CFAP47: variants seen among roughly 807,000 people sequenced by gnomAD.
CFAP47 encodes cilia and flagella associated protein 47, also known as cilia- and flagella-associated protein 47.
In CFAP47, 29 loss-of-function variants were observed where a neutral mutation model predicts 148.1. The ratio of observed to expected loss-of-function variants is 0.20; its 90% CI spans 0.15 to 0.27. CFAP47 has a LOEUF of 0.27. CFAP47 is among the 10% of genes least tolerant of loss of function. The pLI is 1.00. For synonymous variants in CFAP47, 664 were observed against 577.3 expected (o/e 1.15, Z -2.15); for missense variants, 1,872 against 1,697.5 (o/e 1.10, Z -1.81).
At chrX:35,986,601 A>G (rs1359233934) in intron 15 of CFAP47, among the ~76,000 whole-genome samples, 1 of 109,926 alleles carries the variant, frequency 9.1e-6, no homozygotes, top group Non-Finnish European at 1.9e-5. Flanking sequence ...TCTGAAGCCT[A>G]CTTCTGTCAA....
chrX:36,146,053 A>G (rs1300945714), intron 36 of CFAP47, among the ~76,000 whole-genome samples: 1 of 111,468 alleles, frequency 9.0e-6, no homozygotes, highest in African/African-American at 3.3e-5. Context: ...AAAACTCCAT[A>G]GAATTCAGTA....
intron 3 of CFAP47, among the ~76,000 whole-genome samples, chrX:35,945,873 T>C (rs961098738): frequency 2.1e-5 from 2 of 94,288 alleles, no homozygotes; most frequent in South Asian, 1.1e-3. Context: ...CTCCTTCTCT[T>C]TTTTTTTTTT....
chrX:36,015,213 A>G (rs956383699), intron 22 of CFAP47, among the ~76,000 whole-genome samples: 1 of 106,884 alleles, frequency 9.4e-6, no homozygotes, highest in African/African-American at 3.4e-5. Context: ...CAAAATATAA[A>G]TTATTAAAAT....
chrX:36,239,779 G>T lies in CFAP47; in HGVS notation c.7332+2920G>T, dbSNP rs1320241500. On this transcript the variant is annotated intron_variant, in intron 48 of 63. Coordinates refer to ENST00000378653, the MANE Select transcript of CFAP47 (RefSeq NM_001304548.2). Reference sequence around the variant, plus strand: ...TCCTGGGAAACAAGCAGGCCGCACGGATGTTCAAGATTGTGTACATGCCTG... The same window carrying T: ...TCCTGGGAAACAAGCAGGCCGCACGTATGTTCAAGATTGTGTACATGCCTG... Among the ~76,000 whole-genome samples, 5 of 111,580 alleles carry T rather than the reference G, an allele frequency of 4.5e-5. No individual in the cohort carries two copies. In the East Asian group the frequency reaches 1.4e-3, roughly 31 times the overall value.
At chrX:36,049,016 G>A (rs1356233690) in intron 26 of CFAP47, among the ~76,000 whole-genome samples, 2 of 111,100 alleles carry the variant, frequency 1.8e-5, no homozygotes, top group Non-Finnish European at 3.8e-5. Context: ...GTGAGAAATA[G>A]GGTGAGAACC....
chrX:36,199,045 A>C (rs1176996571), intron 42 of CFAP47, among the ~76,000 whole-genome samples: 3 of 111,834 alleles, frequency 2.7e-5, no homozygotes, highest in Admixed American at 9.5e-5. Flanking sequence ...AATATGGTAA[A>C]GTTTTTCTTA....
intron 37 of CFAP47, among the ~76,000 whole-genome samples, chrX:36,154,286 C>T (rs1195030937): frequency 8.9e-6 from 1 of 112,179 alleles, no homozygotes; most frequent in Non-Finnish European, 1.9e-5. Context: ...TTTAGTCAGA[C>T]ATTCTATTTA....
chrX:35,981,530 A>T (rs774158163), intron 15 of CFAP47, among the ~76,000 whole-genome samples: 2 of 110,272 alleles, frequency 1.8e-5, no homozygotes, highest in South Asian at 4.0e-4. Context: ...ATACATTTTT[A>T]AAAACTTTTA....
chrX:36,261,320 C>CTTTTTTTTTTTTTTTTTTTTTTT (rs143068749), intron 49 of CFAP47, among the ~76,000 whole-genome samples: 1 of 20,450 alleles, frequency 4.9e-5, no homozygotes, highest in Non-Finnish European at 8.3e-5. Context: ...AGATACTATT[C>CTTTTTTTTTTTTTTTTTTTTTTT]TTTTTTTTTT....
At chrX:35,945,073 C>A (rs1936065489) in intron 3 of CFAP47, among the ~76,000 whole-genome samples, 1 of 111,420 alleles carries the variant, frequency 9.0e-6, no homozygotes, top group African/African-American at 3.3e-5. Context: ...GAATAGGGCC[C>A]AAATCTTAGT....
intron 45 of CFAP47, among the ~76,000 whole-genome samples, chrX:36,212,715 C>T (rs782159024): frequency 1.2e-3 from 128 of 110,964 alleles, no homozygotes; most frequent in African/African-American, 4.0e-3. Context: ...TATATAGAAA[C>T]ACAATATTTT....
chrX:36,310,649 A>G (rs1376876419), intron 55 of CFAP47, among the ~76,000 whole-genome samples, 184 bp from the exon 56 acceptor site: 6 of 111,708 alleles, frequency 5.4e-5, no homozygotes, highest in Admixed American at 2.9e-4. Context: ...GTAAAAATAC[A>G]TAGAATTATT....
intron 33 of CFAP47, among the ~76,000 whole-genome samples, chrX:36,133,998 T>C (rs1174669819): frequency 9.1e-6 from 1 of 110,343 alleles, no homozygotes; most frequent in Non-Finnish European, 1.9e-5. Flanking sequence ...TAAATTAAAT[T>C]ATATTTCTAT....
chrX:35,946,551 A>G (rs1174974926), intron 3 of CFAP47, among the ~76,000 whole-genome samples: 1 of 112,154 alleles, frequency 8.9e-6, no homozygotes, highest in East Asian at 2.8e-4. Flanking sequence ...ATGATATAAA[A>G]TTAACTTCAA....
chrX:36,139,725 G>A (rs1449847805), intron 35 of CFAP47, among the ~76,000 whole-genome samples: 2 of 111,703 alleles, frequency 1.8e-5, no homozygotes, highest in African/African-American at 6.5e-5. Flanking sequence ...CTAACTCTGA[G>A]TTTTTCATTC....
intron 30 of CFAP47, among the ~76,000 whole-genome samples, chrX:36,087,699 T>A (rs1331466650): frequency 8.9e-6 from 1 of 111,757 alleles, no homozygotes; most frequent in Non-Finnish European, 1.9e-5. Flanking sequence ...TTCACAGAGA[T>A]TTACCTTTTG....
At position 36,355,538 on chromosome X, in the gene CFAP47, C is replaced by G. The variant is rs193189371; in HGVS notation, c.8851+1857C>G. Reference sequence around the variant, plus strand: ...ATACTATCTTGAAATAATATTCAGCCTTAAAAAGGAGGAAATTCTATAATG... The same window carrying G: ...ATACTATCTTGAAATAATATTCAGCGTTAAAAAGGAGGAAATTCTATAATG... On this transcript the variant is annotated intron_variant, in intron 60 of 63. Transcript: ENST00000378653. Among the ~76,000 whole-genome samples, 3 of 111,452 alleles carry G rather than the reference C, an allele frequency of 2.7e-5. No homozygotes were observed. The Admixed American group carries it at 2.9e-4, about 11-fold the overall frequency.
At chrX:36,036,410 A>G (rs1601941861) in intron 24 of CFAP47, among the ~76,000 whole-genome samples, 2 of 110,824 alleles carry the variant, frequency 1.8e-5, no homozygotes, top group African/African-American at 6.6e-5. Context: ...TGAACGAATA[A>G]TAGTCTATTG....
At chrX:36,016,850 G>T (rs1937102465) in intron 22 of CFAP47, among the ~76,000 whole-genome samples, 1 of 107,903 alleles carries the variant, frequency 9.3e-6, no homozygotes. Flanking sequence ...CCTATCTTTT[G>T]GACAAAAGCC....
Sources: gnomAD v4.1 joint callset for allele counts (sites outside exome capture counted in the v4.1 genomes callset) on GRCh38, gnomAD v4.1.1 for gene constraint, MANE v1.5 for transcripts, NCBI Gene and HGNC (gene_info 2026-07-23, HGNC 2026-07-21) for gene names.